The following APC variants were observed in gnomAD, a reference collection of about 807,000 sequenced individuals.
APC encodes the protein adenomatous polyposis coli protein.
A neutral mutation model predicts 247.0 loss-of-function variants in APC; 72 were observed. That is an observed-to-expected ratio of 0.29 (90% CI 0.24 to 0.35). The LOEUF (loss-of-function observed/expected upper bound fraction) is 0.35. Ranked by LOEUF, APC falls within the 10% of genes least tolerant of loss-of-function variation. The pLI is 1.00. For synonymous variants in APC, 1,254 were observed against 1,162.5 expected, an observed-to-expected ratio of 1.08 and a Z score of -1.60; for missense variants, 3,400 against 3,360.7, an observed-to-expected ratio of 1.01 and a Z score of -0.29.
At chr5:112,832,940 G>C (rs758053643) in intron 14 of APC, among the ~76,000 whole-genome samples, 11 of 152,130 alleles carry the variant, frequency 7.2e-5, no homozygotes, top group Non-Finnish European at 1.6e-4. Context: ...AATAGGCACA[G>C]AGTTGATTTC....
At chr5:112,808,612 C>G (rs992747173) in intron 8 of APC, among the ~76,000 whole-genome samples, 1 of 151,996 alleles carries the variant, frequency 6.6e-6, no homozygotes, top group Non-Finnish European at 1.5e-5. Flanking sequence ...TCCCTCTGTT[C>G]CCCAGGCTGG....
At chr5:112,716,448 C>T (rs1751174905) in intron 1 of APC, among the ~76,000 whole-genome samples, 1 of 152,140 alleles carries the variant, frequency 6.6e-6, no homozygotes, top group Admixed American at 6.5e-5. Flanking sequence ...TACTCTGTTT[C>T]AAAGGCCTGT....
At position 112,836,990 on chromosome 5, in the gene APC, T is replaced by C. The variant is rs146455837; in HGVS notation, c.1959-563T>C. Among the ~76,000 whole-genome samples the C allele has an allele frequency of 4.4e-3, 669 of 152,312 alleles. 3 individuals carry two copies. Among genetic ancestry groups the C allele is most frequent in the Middle Eastern group, 0.01 (3 of 294 alleles). On this transcript the variant is annotated intron_variant, in intron 15 of 15. Transcript: ENST00000257430. ...TGCTGGGATTACAGGCATGAGCCAC[T>C]GTGTCTGGCCAAGAGCACTCGTAAG...
chr5:112,833,029 GTT>G (rs35025567), intron 14 of APC, among the ~76,000 whole-genome samples: 23 of 146,086 alleles, frequency 1.6e-4, no homozygotes, highest in East Asian at 6.0e-4. Flanking sequence ...TTGGGTTTGG[GTT>G]TTTTTTTTTT....
intron 12 of APC, 95 bp from the exon 13 acceptor site, chr5:112,827,834 A>G: frequency 2.0e-6 from 2 of 998,990 alleles, no homozygotes; most frequent in Non-Finnish European, 3.1e-6. Context: ...TTAAAACAAA[A>G]TAATGAAAAC....
At chr5:112,822,551 C>A (rs988141162) in intron 11 of APC, among the ~76,000 whole-genome samples, 1 of 152,136 alleles carries the variant, frequency 6.6e-6, no homozygotes, top group Middle Eastern at 3.2e-3. Flanking sequence ...ATGATTACTT[C>A]TTTAGGTATG....
chr5:112,743,015 G>A lies in APC; in HGVS notation c.-19+5090G>A, dbSNP rs374571959. 5.9e-5 allele frequency among the ~76,000 whole-genome samples: 9 copies of A among 152,226 alleles called. No homozygotes were observed. The South Asian group carries it at 1.7e-3, about 28-fold the overall frequency. On this transcript the variant is annotated intron_variant, in intron 1 of 15. Coordinates refer to ENST00000257430, the MANE Select transcript of APC (RefSeq NM_000038.6). The stretch of plus-strand genomic sequence containing the variant: ...TCTTGCAGTCCTGGAGATCAGACAC[G>A]GTTTTCACTGGACCAAAATCAAGAT...
At chr5:112,802,709 T>G (rs954915213) in intron 8 of APC, among the ~76,000 whole-genome samples, 3 of 152,050 alleles carry the variant, frequency 2.0e-5, no homozygotes, top group Non-Finnish European at 2.9e-5. Flanking sequence ...ATAATCATGA[T>G]GTAGGTGGGA....
In APC at chr5:112,839,679, C is replaced by T. The variant is rs1765597797; in HGVS notation, c.4085C>T (p.Ser1362Phe). 6.2e-7 allele frequency: 1 copy of T among 1,614,122 alleles called. No homozygotes were observed. The highest frequency in any genetic ancestry group is 8.5e-7 in the Non-Finnish European group (1 of 1,180,010). The change falls in exon 16 of 16, where the codon TCC (serine) becomes TTC (phenylalanine). Residue 1362 changes from serine (S) to phenylalanine (F), a missense_variant. Ser to Phe is a radical substitution (Grantham distance 155). Around this residue, in one of 9 missense-constraint regions of APC, gnomAD observed 715 missense variants for 656.6 expected, o/e 1.09. Coordinates refer to ENST00000257430, the MANE Select transcript of APC (RefSeq NM_000038.6). The surrounding 1 kb of genome is among the most constrained non-coding windows in gnomAD (Gnocchi z 5.0). ...TTTTCTTCAGGAGCGAAATCTCCCT[C>T]CAAAAGTGGTGCTCAGACACCCAAA... ...VEFSSGAKSP[S>F]KSGAQTPKSP...
chr5:112,728,391 C>T (rs1326456347), intron 1 of APC, among the ~76,000 whole-genome samples: 1 of 152,122 alleles, frequency 6.6e-6, no homozygotes, highest in Non-Finnish European at 1.5e-5. Flanking sequence ...CTCAGCCTCC[C>T]AAAGTGCTGG....
chr5:112,791,115 C>T (rs569672130), intron 6 of APC, among the ~76,000 whole-genome samples: 94 of 152,056 alleles, frequency 6.2e-4, no homozygotes, highest in African/African-American at 2.1e-3. Context: ...TTTCCACTTC[C>T]ACTAGTATTC....
chr5:112,735,321 G>A (rs1046947064), upstream of APC, among the ~76,000 whole-genome samples: 2 of 151,902 alleles, frequency 1.3e-5, no homozygotes, highest in Middle Eastern at 3.2e-3. Context: ...GACCACAGGC[G>A]CGTGTCACCA....
chr5:112,764,241 G>A (rs1277764160), intron 2 of APC, among the ~76,000 whole-genome samples: 11 of 108,780 alleles, frequency 1.0e-4, no homozygotes, highest in East Asian at 3.0e-4. Context: ...GCGAGACTCC[G>A]TCTCAAAAAA....
chr5:112,829,076 A>G, intron 14 of APC, 104 bp downstream of exon 14: 1 of 797,668 alleles, frequency 1.3e-6, no homozygotes, highest in Admixed American at 1.8e-5. Flanking sequence ...CCTGTGTATT[A>G]TTCAGTACTA....
chr5:112,718,411 A>G (rs1030155909), intron 1 of APC, among the ~76,000 whole-genome samples: 26 of 152,200 alleles, frequency 1.7e-4, no homozygotes, highest in Non-Finnish European at 7.3e-5. Context: ...AACTGACTTC[A>G]GTCCATGGTT....
chr5:112,840,617 G>A lies in APC; in HGVS notation c.5023G>A (p.Val1675Ile). ...AAATGAGTTAGCTGCTGGAGAAGGAGTTAGAGGAGGGGCACAGTCAGGTGA... is the reference window on the plus strand; with the variant it reads ...AAATGAGTTAGCTGCTGGAGAAGGAATTAGAGGAGGGGCACAGTCAGGTGA... ...PPNELAAGEG[V>I]RGGAQSGEFE... The change falls in exon 16 of 16, where the codon GTT becomes ATT. Residue 1675 changes from valine to isoleucine, a missense_variant. By Grantham distance (29) the Val-to-Ile change is conservative (BLOSUM62 3). Transcript: ENST00000257430. This position sits in a 1 kb window ranked among gnomAD's most constrained non-coding sequence, Gnocchi z 4.1. The A allele has an allele frequency of 6.2e-7, 1 of 1,614,060 alleles. No individual in the cohort carries two copies. The highest frequency in any genetic ancestry group is 8.5e-7 in the Non-Finnish European group (1 of 1,179,952).
intron 1 of APC, among the ~76,000 whole-genome samples, chr5:112,718,389 C>T (rs6864688): frequency 0.53 from 80,189 of 152,008 alleles, 21,736 homozygotes; most frequent in East Asian, 0.79. Context: ...CTGGGCCACC[C>T]AGATGAGTTG....
intron 4 of APC, among the ~76,000 whole-genome samples, chr5:112,773,333 A>G (rs1294793493): frequency 1.3e-5 from 2 of 152,178 alleles, no homozygotes; most frequent in African/African-American, 4.8e-5. Flanking sequence ...GTCTCTCTGT[A>G]TGACCAAACT....
chr5:112,785,405 C>G (rs527591485), intron 6 of APC, among the ~76,000 whole-genome samples: 2 of 152,222 alleles, frequency 1.3e-5, no homozygotes, highest in South Asian at 4.1e-4. Context: ...GTAGGAGGAC[C>G]TGTTCACAGT....
Sources: allele counts gnomAD v4.1 joint callset (sites outside exome capture counted in the v4.1 genomes callset), GRCh38; gene constraint gnomAD v4.1.1; regional missense constraint gnomAD v4.1.1; non-coding constraint Gnocchi (gnomAD v3.1); transcripts MANE v1.5; gene names NCBI Gene and HGNC (gene_info 2026-07-23, HGNC 2026-07-21).